Variants in CYP7B1 observed in about 807,000 individuals in gnomAD.
CYP7B1 encodes cytochrome P450 family 7 subfamily B member 1, also known as cytochrome P450 7B1.
A neutral mutation model predicts 42.7 loss-of-function variants in CYP7B1; 29 were observed. The ratio of observed to expected loss-of-function variants is 0.68; its 90% CI spans 0.51 to 0.93. CYP7B1 has a LOEUF of 0.93. Among genes scored for constraint, CYP7B1 ranks in the 40% least tolerant of loss-of-function variants. The probability of loss-of-function intolerance (pLI) is 0.00; values close to 1 mark genes in which losing one functional copy is unlikely to be tolerated. For synonymous variants in CYP7B1, 235 were observed against 218.2 expected (o/e 1.08, Z -0.68); for missense variants, 655 against 600.5 (o/e 1.09, Z -0.95).
intron 1 of CYP7B1, among the ~76,000 whole-genome samples, chr8:64,625,140 A>AT (rs1236029705): frequency 1.3e-5 from 2 of 151,450 alleles, no homozygotes; most frequent in African/African-American, 4.9e-5. Flanking sequence ...CACCCGGCTA[A>AT]TTTTTTGTAT....
chr8:64,719,436 A>G (rs1807205720), intron 1 of CYP7B1, among the ~76,000 whole-genome samples: 1 of 152,224 alleles, frequency 6.6e-6, no homozygotes, highest in African/African-American at 2.4e-5. Context: ...CTAAAATTTT[A>G]AAAGCGAAAC....
rs1804745177 is a variant in CYP7B1 at position 64,798,474 on chromosome 8, C to A, written c.114G>T (p.Arg38=). The A allele has an allele frequency of 6.6e-7, 1 of 1,512,684 alleles. No individual in the cohort carries two copies. Among genetic ancestry groups the A allele is most frequent in the African/African-American group, 1.4e-5 (1 of 69,944 alleles). The allele number at this position is 1,512,684 out of a possible 1,614,324, so 93.7% of individuals were successfully genotyped here. ...GCGGCCGAGGCGCTTACCTGGTGCGCCGGACAAGCAAGCAGAGGGCCAGGA... is the reference window on the plus strand; with the variant it reads ...GCGGCCGAGGCGCTTACCTGGTGCGACGGACAAGCAAGCAGAGGGCCAGGA... ...LLLLALCLLV[R]RTRRPGEPPL... Residue 38 remains arginine, a synonymous_variant, in exon 1 of 6, where the codon CGG becomes CGT. Coordinates refer to ENST00000310193, the MANE Select transcript of CYP7B1 (RefSeq NM_004820.5).
At chr8:64,604,635 C>A (rs766350452) in intron 5 of CYP7B1, 47 bp downstream of exon 5, 1 of 1,607,744 alleles carries the variant, frequency 6.2e-7, no homozygotes, top group South Asian at 1.1e-5. Context: ...GAGGAATGTG[C>A]CCACAGGATC....
At chr8:64,612,643 A>T (rs556790360) in intron 4 of CYP7B1, among the ~76,000 whole-genome samples, 63 of 152,226 alleles carry the variant, frequency 4.1e-4, no homozygotes, top group African/African-American at 1.5e-3. Flanking sequence ...TTTCTGTAAA[A>T]AGAAGAACCT....
intron 1 of CYP7B1, among the ~76,000 whole-genome samples, chr8:64,711,486 GT>G (rs1807078978): frequency 6.6e-6 from 1 of 152,138 alleles, no homozygotes; most frequent in Non-Finnish European, 1.5e-5. Context: ...CCCAGTGTTG[GT>G]TTTGTCATCT....
chr8:64,678,685 A>G (rs1003447680), intron 1 of CYP7B1, among the ~76,000 whole-genome samples: 27 of 152,092 alleles, frequency 1.8e-4, no homozygotes, highest in Admixed American at 1.6e-3. Flanking sequence ...TGATCCTTCT[A>G]TCTGTAGAAA....
At chr8:64,590,067 T>C (rs573830866), downstream of CYP7B1, among the ~76,000 whole-genome samples, 20 of 152,376 alleles carry the variant, frequency 1.3e-4, no homozygotes, top group African/African-American at 4.6e-4. Context: ...CACATGATCA[T>C]TGCTAATTCT....
At chr8:64,611,276 T>G (rs1391659612) in intron 4 of CYP7B1, among the ~76,000 whole-genome samples, 1 of 152,168 alleles carries the variant, frequency 6.6e-6, no homozygotes, top group Non-Finnish European at 1.5e-5. Context: ...ATCACCTCCA[T>G]GATCTTAGAC....
intron 1 of CYP7B1, among the ~76,000 whole-genome samples, chr8:64,739,245 A>G (rs1192888323): frequency 6.6e-6 from 1 of 152,198 alleles, no homozygotes; most frequent in Non-Finnish European, 1.5e-5. Context: ...GCCCCCTAAA[A>G]GACTGAGATT....
chr8:64,782,444 T>C (rs535863895), intron 1 of CYP7B1, among the ~76,000 whole-genome samples: 216 of 152,208 alleles, frequency 1.4e-3, no homozygotes, highest in African/African-American at 5.1e-3. Context: ...TGGGCCTTCA[T>C]CAGACACAGC....
At chr8:64,707,659 T>C (rs1807020432) in intron 1 of CYP7B1, among the ~76,000 whole-genome samples, 1 of 152,092 alleles carries the variant, frequency 6.6e-6, no homozygotes, top group Admixed American at 6.6e-5. Context: ...TAGTAAGCCA[T>C]TTCATCCAAA....
At position 64,684,518 on chromosome 8, in the gene CYP7B1, G is replaced by A. The variant is rs1040799342; in HGVS notation, c.123-59979C>T. Among the ~76,000 whole-genome samples the A allele has an allele frequency of 5.3e-5, 8 of 152,200 alleles. No homozygotes were observed. The East Asian group carries it at 5.8e-4, about 11-fold the overall frequency. On this transcript the variant is annotated intron_variant, in intron 1 of 5. Transcript: ENST00000310193. ...TAAGTTAATAGATTTGCTAAGCAGC[G>A]GAATAATGCTAAAGTATAATTTATT...
Position 64,616,160 on chromosome 8 carries a change from C to A in CYP7B1, c.381G>T (p.Gln127His). Residue 127 changes from glutamine (Q) to histidine (H), a missense_variant, in exon 3 of 6, where the codon CAG becomes CAT. Coordinates refer to ENST00000310193, the MANE Select transcript of CYP7B1 (RefSeq NM_004820.5). ...KLLEKAFSIS[Q>H]LQKNHDMNDE... ...CATTCATGTCATGATTTTTTTGCAA[C>A]TGACTGATGCTAAATGCTTTCTCTA... The A allele has an allele frequency of 6.2e-7, 1 of 1,613,264 alleles. No individual in the cohort carries two copies. The highest frequency in any genetic ancestry group is 8.5e-7 in the Non-Finnish European group (1 of 1,179,630).
intron 1 of CYP7B1, among the ~76,000 whole-genome samples, chr8:64,713,794 TAA>T (rs1283422981): frequency 6.6e-6 from 1 of 152,138 alleles, no homozygotes; most frequent in African/African-American, 2.4e-5. Context: ...CTTCAAGAGA[TAA>T]GAGCCCAAAT....
At chr8:64,782,358 T>C (rs1464452285) in intron 1 of CYP7B1, among the ~76,000 whole-genome samples, 1 of 152,148 alleles carries the variant, frequency 6.6e-6, no homozygotes, top group African/African-American at 2.4e-5. Context: ...TTAGTGCCCT[T>C]ATAAAAGAAG....
intron 1 of CYP7B1, among the ~76,000 whole-genome samples, chr8:64,787,349 A>G (rs564386643): frequency 2.0e-3 from 297 of 152,264 alleles, no homozygotes; most frequent in African/African-American, 7.0e-3. Context: ...GATACCCTAG[A>G]TCATCTCTTC....
intron 1 of CYP7B1, among the ~76,000 whole-genome samples, chr8:64,770,304 T>G (rs1352516148): frequency 6.6e-6 from 1 of 152,196 alleles, no homozygotes; most frequent in African/African-American, 2.4e-5. Flanking sequence ...AGAGTTGGAA[T>G]AGATCTTAGA....
intron 1 of CYP7B1, among the ~76,000 whole-genome samples, chr8:64,720,651 A>G (rs893523122): frequency 1.3e-5 from 2 of 152,180 alleles, no homozygotes; most frequent in Non-Finnish European, 1.5e-5. Flanking sequence ...TATAACTTTA[A>G]TTCATACATC....
rs1368010381 is a variant in CYP7B1 at position 64,708,478 on chromosome 8, G to T, written c.123-83939C>A. 1.2e-4 allele frequency among the ~76,000 whole-genome samples: 19 copies of T among 152,070 alleles called. 1 individual carries two copies. Reference sequence around the variant, plus strand: ...GAAGTCATCCAAGAACATCCACAAAGATATGAGTACAAATTTTTTTAAATA... The same window carrying T: ...GAAGTCATCCAAGAACATCCACAAATATATGAGTACAAATTTTTTTAAATA... On this transcript the variant is annotated intron_variant, in intron 1 of 5. Transcript: ENST00000310193.
Sources: allele counts gnomAD v4.1 joint callset (sites outside exome capture counted in the v4.1 genomes callset), GRCh38; gene constraint gnomAD v4.1.1; transcripts MANE v1.5; gene names NCBI Gene and HGNC (gene_info 2026-07-23, HGNC 2026-07-21).